The following KATNAL2 variants were observed in gnomAD, a reference collection of about 807,000 sequenced individuals.
KATNAL2 encodes katanin p60 ATPase-containing subunit A-like 2.
Under a neutral mutation model 76.3 loss-of-function variants are expected in KATNAL2, and 52 were observed. The ratio of observed to expected loss-of-function variants is 0.68; its 90% confidence interval spans 0.55 to 0.86. The LOEUF (loss-of-function observed/expected upper bound fraction) is 0.86, where lower values mean the gene tolerates loss of function less well. KATNAL2 is among the 40% of genes least tolerant of loss of function. The pLI is 0.00. For synonymous variants in KATNAL2, 243 were observed against 244.2 expected (o/e 1.00, Z 0.05); for missense variants, 660 against 668.9 (o/e 0.99, Z 0.15).
intron 13 of KATNAL2, among the ~76,000 whole-genome samples, chr18:47,071,163 CTAAT>C (rs1439633240): frequency 1.3e-5 from 2 of 152,140 alleles, no homozygotes; most frequent in African/African-American, 4.8e-5. Context: ...CCAAGCCCAG[CTAAT>C]TTTTGTATTT....
At chr18:47,059,852 G>C (rs2061579997) in intron 8 of KATNAL2, among the ~76,000 whole-genome samples, 198 bp downstream of exon 8, 1 of 152,068 alleles carries the variant, frequency 6.6e-6, no homozygotes, top group African/African-American at 2.4e-5. Context: ...GGGCTGGCAT[G>C]AACTGCCCCA....
intron 8 of KATNAL2, among the ~76,000 whole-genome samples, chr18:47,061,868 T>A (rs1369839982): frequency 6.6e-6 from 1 of 152,074 alleles, no homozygotes; most frequent in East Asian, 1.9e-4. Flanking sequence ...ATTATTATTT[T>A]TTTTTTTGGT....
chr18:47,094,180 CTT>C (rs2063128900), intron 15 of KATNAL2, among the ~76,000 whole-genome samples: 1 of 152,198 alleles, frequency 6.6e-6, no homozygotes, highest in Non-Finnish European at 1.5e-5. Flanking sequence ...GTTTCCCCCT[CTT>C]GAGGATGTGC....
intron 4 of KATNAL2, among the ~76,000 whole-genome samples, chr18:47,049,223 T>TG (rs2147076857): frequency 6.6e-6 from 1 of 152,366 alleles, no homozygotes; most frequent in African/African-American, 2.4e-5. Flanking sequence ...GTCTGTAGAA[T>TG]GGAGTAATGG....
chr18:47,088,954 CA>C (rs2147348168), intron 15 of KATNAL2, among the ~76,000 whole-genome samples: 1 of 152,336 alleles, frequency 6.6e-6, no homozygotes, highest in African/African-American at 2.4e-5. Context: ...GCAAGGCAGA[CA>C]AATTTCCCTG....
At chr18:46,926,281 T>G (rs932583275) in intron 1 of KATNAL2, among the ~76,000 whole-genome samples, 15 of 152,320 alleles carry the variant, frequency 9.8e-5, no homozygotes, top group African/African-American at 3.6e-4. Flanking sequence ...TCTGGTATGT[T>G]GTGTGTTTTT....
chr18:47,062,942 A>T (rs2061681133), intron 8 of KATNAL2, 30 bp from the exon 9 acceptor site: 1 of 1,543,420 alleles, frequency 6.5e-7, no homozygotes, highest in Non-Finnish European at 9.0e-7. Context: ...TTATGTTCTC[A>T]TGGCATAAAT....
intron 3 of KATNAL2, among the ~76,000 whole-genome samples, chr18:46,955,140 C>CTCTCTTTCTTTCTCTTTCTTTCTT (rs1555834717): frequency 1.2e-5 from 1 of 85,020 alleles, no homozygotes; most frequent in African/African-American, 4.5e-5. Context: ...CTTTCTCTCT[C>CTCTCTTTCTTTCTCTTTCTTTCTT]TCTTTCTTTC....
chr18:47,034,489 C>A (rs2060658879), intron 3 of KATNAL2: 2 of 1,614,062 alleles, frequency 1.2e-6, no homozygotes, highest in African/African-American at 1.3e-5. Flanking sequence ...GGTTTCCTCT[C>A]TTAAGCAGGC....
intron 15 of KATNAL2, chr18:47,098,261 G>T: frequency 2.6e-6 from 1 of 388,346 alleles, no homozygotes; most frequent in South Asian, 1.9e-5. Flanking sequence ...TCATGCTGCT[G>T]GTGAAGACAT....
At chr18:46,954,778 G>C (rs1212785618) in intron 3 of KATNAL2, among the ~76,000 whole-genome samples, 2 of 152,150 alleles carry the variant, frequency 1.3e-5, no homozygotes, top group East Asian at 1.9e-4. Flanking sequence ...AGAGTAGCTG[G>C]GACTACAGGC....
intron 3 of KATNAL2, chr18:47,032,868 C>G: frequency 6.5e-7 from 1 of 1,543,688 alleles, no homozygotes; most frequent in Non-Finnish European, 8.8e-7. Context: ...CACATGACAC[C>G]TGCAGAATTC....
rs538199044 is a variant in KATNAL2, at chr18:47,031,214, A to T, written c.52-15243A>T. Among the ~76,000 whole-genome samples the T allele has an allele frequency of 2.1e-3, 310 of 150,794 alleles. 1 individual carries two copies. Among genetic ancestry groups the T allele is most frequent in the African/African-American group, 7.3e-3 (300 of 40,848 alleles). On this transcript the variant is annotated intron_variant, in intron 3 of 17. Transcript: ENST00000683218. ...AGGATCTTGCTCCCACCGGTTGTTT[A>T]AAATCTCCTCGGAAAGGCTTGCTCT...
intron 3 of KATNAL2, among the ~76,000 whole-genome samples, chr18:46,952,659 G>A (rs1357794550): frequency 1.3e-5 from 2 of 151,896 alleles, no homozygotes; most frequent in Non-Finnish European, 2.9e-5. Flanking sequence ...TCGGCCTTCT[G>A]AAGTGTTGGG....
At chr18:46,931,898 T>A (rs959563286) in intron 1 of KATNAL2, among the ~76,000 whole-genome samples, 1 of 152,186 alleles carries the variant, frequency 6.6e-6, no homozygotes, top group Non-Finnish European at 1.5e-5. Context: ...TTTTCTTTTT[T>A]TTTCTTGTTT....
chr18:46,954,806 G>T (rs9947131), intron 3 of KATNAL2, among the ~76,000 whole-genome samples: 67,543 of 151,738 alleles, frequency 0.45, 15,105 homozygotes, highest in Middle Eastern at 0.53. Flanking sequence ...ACCACACCTG[G>T]CTAATTTTCG....
intron 13 of KATNAL2, among the ~76,000 whole-genome samples, chr18:47,072,590 T>C (rs1444341597): frequency 6.6e-6 from 1 of 152,246 alleles, no homozygotes; most frequent in South Asian, 2.1e-4. Context: ...AGACTATAGG[T>C]GCACACCACC....
At chr18:47,086,461 A>G (rs1192515646) in intron 15 of KATNAL2, among the ~76,000 whole-genome samples, 1 of 151,946 alleles carries the variant, frequency 6.6e-6, no homozygotes, top group African/African-American at 2.4e-5. Flanking sequence ...GATTACAGAC[A>G]CCCACCACCA....
At chr18:47,071,978 T>C (rs2062025243) in intron 13 of KATNAL2, among the ~76,000 whole-genome samples, 2 of 121,406 alleles carry the variant, frequency 1.6e-5, no homozygotes, top group African/African-American at 6.6e-5. Flanking sequence ...TTTTTTTTTT[T>C]TTTTTTTTTT....
Sources: gnomAD v4.1 joint callset for allele counts (sites outside exome capture counted in the v4.1 genomes callset) on GRCh38, gnomAD v4.1.1 for gene constraint, MANE v1.5 for transcripts, NCBI Gene and HGNC (gene_info 2026-07-23, HGNC 2026-07-21) for gene names.